The following MINAR1 variants were observed in gnomAD, a reference collection of about 807,000 sequenced individuals.
MINAR1 encodes major intrinsically disordered Notch2-binding receptor 1.
MINAR1 carries 40 observed loss-of-function variants against 65.1 expected under a neutral mutation model. The observed-to-expected ratio is 0.61, with a 90% CI of 0.48 to 0.80. The LOEUF (loss-of-function observed/expected upper bound fraction) is 0.80. MINAR1 is among the 30% of genes least tolerant of loss of function. The probability of loss-of-function intolerance (pLI) is 0.00; values close to 1 mark genes in which losing one functional copy is unlikely to be tolerated. For synonymous variants in MINAR1, 482 were observed against 449.1 expected (o/e 1.07, Z -0.93); for missense variants, 1,128 against 1,148.0 (o/e 0.98, Z 0.25).
At position 79,457,298 on chromosome 15, in the gene MINAR1, T is replaced by C; in HGVS notation, c.1151T>C (p.Phe384Ser). 1 of 1,614,196 alleles carries C rather than the reference T, an allele frequency of 6.2e-7. No homozygotes were observed. The highest frequency in any genetic ancestry group is 8.5e-7 in the Non-Finnish European group (1 of 1,180,046). ...EEVPDFERSFFNRNPSEEKLH... is the reference protein window; with the variant it reads ...EEVPDFERSFSNRNPSEEKLH... ...GTTCCTGACTTTGAACGGTCCTTTTTCAATAGAAATCCCTCCGAGGAGAAG... is the reference window on the plus strand; with the variant it reads ...GTTCCTGACTTTGAACGGTCCTTTTCCAATAGAAATCCCTCCGAGGAGAAG... Residue 384 changes from phenylalanine (F) to serine (S), a missense_variant, in exon 2 of 4, where the codon TTC becomes TCC. Physicochemically the swap from Phe to Ser is radical, Grantham distance 155 (BLOSUM62 -2). Transcript: ENST00000305428.
chr15:79,453,598 T>C (rs1316608030), intron 1 of MINAR1, among the ~76,000 whole-genome samples: 1 of 152,176 alleles, frequency 6.6e-6, no homozygotes, highest in African/African-American at 2.4e-5. Context: ...CTTCTTCCTC[T>C]CTGGTTCTCG....
intron 1 of MINAR1, among the ~76,000 whole-genome samples, chr15:79,436,545 C>T (rs11072847): frequency 0.29 from 44,736 of 152,020 alleles, 7,861 homozygotes; most frequent in Middle Eastern, 0.42. Context: ...CATTAAAAGC[C>T]GGATAATAAA....
At position 79,462,990 on chromosome 15, in the gene MINAR1, T is replaced by G. The variant is rs1385998999; in HGVS notation, c.2299-77T>G. On this transcript the variant is annotated intron_variant, in intron 2 of 3. Transcript: ENST00000305428. ...GCTACCTGAATGTCTACAGGAAAGC[T>G]GCTGGCTGCTCAATTGCACTGTGAA... 5 of 1,513,342 alleles carry G rather than the reference T, an allele frequency of 3.3e-6. No homozygotes were observed. The Admixed American group carries it at 7.8e-5, about 24-fold the overall frequency. 93.7% of individuals were successfully genotyped at this position (1,513,342 alleles called of 1,614,324 possible).
upstream of MINAR1, among the ~76,000 whole-genome samples, chr15:79,431,514 TGG>T (rs950404711): frequency 1.5e-3 from 176 of 117,042 alleles, 2 homozygotes; most frequent in African/African-American, 5.7e-3. Context: ...TGTGTGTGTG[TGG>T]GGGGGGAGAG....
At chr15:79,463,400 T>C in intron 3 of MINAR1, 79 bp downstream of exon 3, 1 of 1,551,408 alleles carries the variant, frequency 6.4e-7, no homozygotes, top group Non-Finnish European at 8.8e-7. Context: ...ACGGACGGCT[T>C]AGACCGGCCA....
Position 79,456,760 on chromosome 15 carries a change from A to G in MINAR1, c.613A>G (p.Ser205Gly). The part of the protein sequence containing the change: ...LQALAPYSVT[S>G]PQPCEMQRTY... ...GGCCCTGGCTCCGTACTCTGTGACC[A>G]GCCCTCAGCCCTGTGAGATGCAGAG... Residue 205 changes from serine (S) to glycine (G), a missense_variant, in exon 2 of 4, where the codon AGC (serine) becomes GGC (glycine). Physicochemically the swap from Ser to Gly is moderately conservative, Grantham distance 56 (BLOSUM62 0). Coordinates refer to ENST00000305428, the MANE Select transcript of MINAR1 (RefSeq NM_015206.3). 1 of 1,614,192 alleles carries G rather than the reference A, an allele frequency of 6.2e-7. No individual in the cohort carries two copies. Among genetic ancestry groups the G allele is most frequent in the Non-Finnish European group, 8.5e-7 (1 of 1,180,038 alleles).
rs938898806 is a variant in MINAR1 at position 79,471,941 on chromosome 15, T to C, written c.*3557T>C. ...AAGATACAAGTAATTGTTGGTATAA[T>C]TGGGGAAAAGGGTATTCAATATTTA... On this transcript the variant is annotated 3_prime_UTR_variant, in exon 4 of 4. Coordinates refer to ENST00000305428, the MANE Select transcript of MINAR1 (RefSeq NM_015206.3). 2 of 152,592 alleles carry C rather than the reference T, an allele frequency of 1.3e-5. No homozygotes were observed. The highest frequency in any genetic ancestry group is 6.5e-5 in the Admixed American group (1 of 15,274). 9.5% of individuals were successfully genotyped at this position (152,592 alleles called of 1,614,324 possible).
In MINAR1 at chr15:79,468,877, GTATTACTTCTCTGTCGACT is replaced by G. The variant is rs1274129238; in HGVS notation, c.*495_*513del. 4.3e-5 allele frequency: 7 copies of G among 163,590 alleles called. No individual in the cohort carries two copies. The allele number at this position is 163,590 out of a possible 1,614,324, so 10.1% of individuals were successfully genotyped here. On this transcript the variant is annotated 3_prime_UTR_variant, in exon 4 of 4. Transcript: ENST00000305428. ...GTAACAGGGTGTGTGTCCCTAAAGGGTATTACTTCTCTGTCGACTTTTATCAAGGGCTACTGACGTTTCA... is the reference window on the plus strand; with the variant it reads ...GTAACAGGGTGTGTGTCCCTAAAGGGTTTATCAAGGGCTACTGACGTTTCA...
At chr15:79,452,727 T>G (rs1895269458) in intron 1 of MINAR1, among the ~76,000 whole-genome samples, 1 of 113,238 alleles carries the variant, frequency 8.8e-6, no homozygotes, top group African/African-American at 3.1e-5. Flanking sequence ...TGTGGGTGAG[T>G]CTGTGTGGGT....
intron 1 of MINAR1, among the ~76,000 whole-genome samples, chr15:79,436,318 A>G (rs954383554): frequency 6.6e-6 from 1 of 152,204 alleles, no homozygotes; most frequent in Non-Finnish European, 1.5e-5. Flanking sequence ...ACAGGGCTTC[A>G]TGGGGATCAG....
In MINAR1 at chr15:79,468,544, T is replaced by C. The variant is rs911058699; in HGVS notation, c.*160T>C. Reference sequence around the variant, plus strand: ...AAGGTGGTTTTCAGAAAGTATACATTCTAGTGAGAAATCTACCTACCTATT... The same window carrying C: ...AAGGTGGTTTTCAGAAAGTATACATCCTAGTGAGAAATCTACCTACCTATT... On this transcript the variant is annotated 3_prime_UTR_variant, in exon 4 of 4. Transcript: ENST00000305428. The C allele has an allele frequency of 7.1e-5, 47 of 661,624 alleles. 1 individual carries two copies. The East Asian group carries it at 1.2e-3, about 17-fold the overall frequency. The allele number at this position is 661,624 out of a possible 1,614,324, so 41.0% of individuals were successfully genotyped here.
chr15:79,456,868 T>C lies in MINAR1; in HGVS notation c.721T>C (p.Phe241Leu). 1 of 1,614,132 alleles carries C rather than the reference T, an allele frequency of 6.2e-7. No individual in the cohort carries two copies. The highest frequency in any genetic ancestry group is 8.5e-7 in the Non-Finnish European group (1 of 1,180,030). ...CATCAATCAGAGCATCAAGGAGACC[T>C]TCATTTCCAATGAGGAGCCATTTGT... ...LPINQSIKET[F>L]ISNEEPFVVQ... Residue 241 changes from phenylalanine (F) to leucine (L), a missense_variant, in exon 2 of 4, where the codon TTC becomes CTC. By Grantham distance (22) the Phe-to-Leu change is conservative (BLOSUM62 0). Transcript: ENST00000305428.
Position 79,468,661 on chromosome 15 carries a change from T to A in MINAR1, c.*277T>A, listed in dbSNP as rs935217804. On this transcript the variant is annotated 3_prime_UTR_variant, in exon 4 of 4. Transcript: ENST00000305428. ...TCATGGACTATCAATAAATACAAAT[T>A]GAATATTCCAAGCCAAAAAAGGAAG... 8 of 410,568 alleles carry A rather than the reference T, an allele frequency of 1.9e-5. No individual in the cohort carries two copies. The highest frequency in any genetic ancestry group is 1.6e-4 in the African/African-American group (8 of 50,022). 25.4% of individuals were successfully genotyped at this position (410,568 alleles called of 1,614,324 possible).
At chr15:79,451,061 C>T (rs1246326962) in intron 1 of MINAR1, among the ~76,000 whole-genome samples, 1 of 152,184 alleles carries the variant, frequency 6.6e-6, no homozygotes, top group Non-Finnish European at 1.5e-5. Context: ...GAGCCCAGGT[C>T]TGTGGGCCCC....
intron 3 of MINAR1, among the ~76,000 whole-genome samples, chr15:79,466,910 T>C (rs1188474050): frequency 6.6e-6 from 1 of 152,158 alleles, no homozygotes; most frequent in Non-Finnish European, 1.5e-5. Context: ...CAATAGGAGC[T>C]GGGCCACTGC....
At chr15:79,445,055 G>T (rs1894976467) in intron 1 of MINAR1, among the ~76,000 whole-genome samples, 1 of 151,770 alleles carries the variant, frequency 6.6e-6, no homozygotes, top group African/African-American at 2.4e-5. Context: ...TATTTTTAAG[G>T]CTATATTATT....
intron 2 of MINAR1, among the ~76,000 whole-genome samples, chr15:79,462,044 C>A (rs985044050): frequency 5.9e-5 from 9 of 152,094 alleles, no homozygotes; most frequent in African/African-American, 2.2e-4. Flanking sequence ...TTTCCTTTTT[C>A]TCTTGCTATT....
At chr15:79,433,773 A>G (rs558390640) in intron 1 of MINAR1, among the ~76,000 whole-genome samples, 12 of 152,270 alleles carry the variant, frequency 7.9e-5, no homozygotes, top group Admixed American at 2.0e-4. Flanking sequence ...AGACACCAGC[A>G]TTACTGGGCC....
chr15:79,452,602 G>T, intron 1 of MINAR1, among the ~76,000 whole-genome samples: 1 of 149,732 alleles, frequency 6.7e-6, no homozygotes, highest in African/African-American at 2.5e-5. Context: ...GTGTGAGTCT[G>T]GGTTAGTCTG....
Sources: gnomAD v4.1 joint callset for allele counts (sites outside exome capture counted in the v4.1 genomes callset) on GRCh38, gnomAD v4.1.1 for gene constraint, MANE v1.5 for transcripts, NCBI Gene and HGNC (gene_info 2026-07-23, HGNC 2026-07-21) for gene names.